FOXN3: variants seen among roughly 807,000 people sequenced by gnomAD.
FOXN3 encodes the protein forkhead box protein N3.
Under a neutral mutation model 38.4 loss-of-function variants are expected in FOXN3, and 7 were observed. The ratio of observed to expected loss-of-function variants is 0.18; its 90% CI spans 0.10 to 0.34. The LOEUF is 0.34. Ranked by LOEUF, FOXN3 falls within the 10% of genes least tolerant of loss-of-function variation. The pLI, the probability that FOXN3 is intolerant of heterozygous loss-of-function variation, is 1.00. For synonymous variants in FOXN3, 230 were observed against 242.2 expected (o/e 0.95, Z 0.47); for missense variants, 456 against 613.4 (o/e 0.74, Z 2.71).
intron 1 of FOXN3, among the ~76,000 whole-genome samples, chr14:89,611,728 C>T (rs1362336486): frequency 6.6e-6 from 1 of 150,960 alleles, no homozygotes; most frequent in African/African-American, 2.5e-5. Context: ...ACGGCGTGAA[C>T]CTGGGAGGCG....
chr14:89,583,533 TTG>T lies in FOXN3; in HGVS notation c.-15+35493_-15+35494del, dbSNP rs367582239. On this transcript the variant is annotated intron_variant, in intron 1 of 6. Coordinates refer to the FOXN3 transcript ENST00000345097. The stretch of plus-strand genomic sequence containing the variant: ...CTTTCCAGCCGCCAGAACTGTGAAT[TTG>T]TGTGTTCTCTCTCTCTCTCTTCCTG... Among the ~76,000 whole-genome samples, 467 of 152,282 alleles carry T rather than the reference TTG, an allele frequency of 3.1e-3. 1 individual carries two copies. Among genetic ancestry groups the T allele is most frequent in the African/African-American group, 0.01 (434 of 41,558 alleles).
intron 1 of FOXN3, among the ~76,000 whole-genome samples, chr14:89,505,858 T>C (rs1260172642): frequency 6.9e-6 from 1 of 143,894 alleles, no homozygotes; most frequent in Non-Finnish European, 1.5e-5. Flanking sequence ...ACCCATCATC[T>C]GAGATGTGGG....
At chr14:89,556,999 G>A (rs372655474) in intron 1 of FOXN3, among the ~76,000 whole-genome samples, 2 of 152,214 alleles carry the variant, frequency 1.3e-5, no homozygotes, top group South Asian at 2.1e-4. Context: ...GGAACCTGTG[G>A]GGTGGGAAAG....
At chr14:89,222,039 G>C (rs780136815) in intron 4 of FOXN3, among the ~76,000 whole-genome samples, 15 of 152,100 alleles carry the variant, frequency 9.9e-5, no homozygotes, top group South Asian at 4.1e-4. Context: ...AGCCAGGATA[G>C]TCTCCTGACC....
chr14:89,398,180 CTTT>C (rs142235076), intron 2 of FOXN3, among the ~76,000 whole-genome samples: 4 of 152,222 alleles, frequency 2.6e-5, no homozygotes, highest in African/African-American at 9.6e-5. Flanking sequence ...TTCCTGGTCT[CTTT>C]TTATTTTGTT....
rs535561011 is a variant in FOXN3, at chr14:89,255,015, G to A, written c.745+25935C>T. 1.1e-4 allele frequency among the ~76,000 whole-genome samples: 16 copies of A among 151,382 alleles called. No individual in the cohort carries two copies. The South Asian group carries it at 3.3e-3, about 31-fold the overall frequency. On this transcript the variant is annotated intron_variant, in intron 4 of 5. Transcript: ENST00000557258. ...TATTCCCCCCATGAGGATTTCCCATGTGCGGCGCATTTGGGGGCAGTGCAA... is the reference window on the plus strand; with the variant it reads ...TATTCCCCCCATGAGGATTTCCCATATGCGGCGCATTTGGGGGCAGTGCAA...
intron 1 of FOXN3, among the ~76,000 whole-genome samples, chr14:89,585,520 T>C (rs1185194030): frequency 6.6e-6 from 1 of 152,122 alleles, no homozygotes. Flanking sequence ...AAACAAATAT[T>C]CCCTGAGCAT....
At chr14:89,410,162 A>G (rs1891504960) in intron 2 of FOXN3, among the ~76,000 whole-genome samples, 1 of 151,896 alleles carries the variant, frequency 6.6e-6, no homozygotes, top group African/African-American at 2.4e-5. Context: ...AACACGTCCA[A>G]TTTGAGCAAG....
intron 3 of FOXN3, among the ~76,000 whole-genome samples, chr14:89,302,866 A>G: frequency 6.6e-6 from 1 of 152,310 alleles, no homozygotes; most frequent in Middle Eastern, 3.4e-3. Context: ...GTCACAGGCC[A>G]CCAAGTTTTA....
At chr14:89,214,908 C>CTAT (rs1413424001) in intron 4 of FOXN3, among the ~76,000 whole-genome samples, 1 of 152,214 alleles carries the variant, frequency 6.6e-6, no homozygotes, top group Non-Finnish European at 1.5e-5. Context: ...GACTATAAAA[C>CTAT]TATTACCGGG....
chr14:89,413,809 A>C lies in FOXN3; in HGVS notation c.-14-1319T>G, dbSNP rs181866406. On this transcript the variant is annotated intron_variant, in intron 1 of 5. Transcript: ENST00000557258. ...GGGAAGGGAAAGAAGAAAGGAAGGGAAAGAGAAGGGAAAAGGAAGGGAAGG... is the reference window on the plus strand; with the variant it reads ...GGGAAGGGAAAGAAGAAAGGAAGGGCAAGAGAAGGGAAAAGGAAGGGAAGG... Among the ~76,000 whole-genome samples the C allele has an allele frequency of 2.1e-5, 3 of 143,392 alleles. No individual in the cohort carries two copies. In the East Asian group the frequency reaches 6.5e-4, roughly 31 times the overall value. 94.1% of individuals were successfully genotyped at this position (143,392 alleles called of 152,430 possible).
intron 1 of FOXN3, among the ~76,000 whole-genome samples, chr14:89,432,415 G>T (rs867537525): frequency 6.6e-6 from 1 of 152,170 alleles, no homozygotes; most frequent in Non-Finnish European, 1.5e-5. Flanking sequence ...CAATGACTGC[G>T]ATCCAAAGGA....
At chr14:89,270,555 T>C (rs938724269) in intron 4 of FOXN3, among the ~76,000 whole-genome samples, 1 of 152,204 alleles carries the variant, frequency 6.6e-6, no homozygotes, top group African/African-American at 2.4e-5. Flanking sequence ...ATTGGATGAG[T>C]TGCTCGAGGT....
chr14:89,557,950 A>G (rs532102862), intron 1 of FOXN3, among the ~76,000 whole-genome samples: 50 of 152,250 alleles, frequency 3.3e-4, no homozygotes, highest in Middle Eastern at 3.4e-3. Context: ...AGGTTGCAGT[A>G]AGCCAAGATC....
Position 89,548,677 on chromosome 14 carries a change from T to TTATA in FOXN3, c.-15+70347_-15+70350dup. Among the ~76,000 whole-genome samples, 1 of 152,256 alleles carries TTATA rather than the reference T, an allele frequency of 6.6e-6. No individual in the cohort carries two copies. The highest frequency in any genetic ancestry group is 2.1e-4 in the South Asian group (1 of 4,826). On this transcript the variant is annotated intron_variant, in intron 1 of 6. Transcript: ENST00000345097. This position sits in a 1 kb window ranked among gnomAD's most constrained non-coding sequence, Gnocchi z 4.8. ...AATAATGATGACTTTTCTTTTCAATTTATATATATGTATGTATGTATGTAT... is the reference window on the plus strand; with the variant it reads ...AATAATGATGACTTTTCTTTTCAATTTATATATATATATGTATGTATGTATGTAT...
intron 2 of FOXN3, among the ~76,000 whole-genome samples, chr14:89,395,279 ATGAT>A (rs1891070893): frequency 6.6e-6 from 1 of 152,194 alleles, no homozygotes; most frequent in Non-Finnish European, 1.5e-5. Context: ...TTACAGATGA[ATGAT>A]TAATTAAACA....
intron 4 of FOXN3, among the ~76,000 whole-genome samples, chr14:89,222,283 C>T (rs1884492133): frequency 6.6e-6 from 1 of 152,078 alleles, no homozygotes; most frequent in Non-Finnish European, 1.5e-5. Context: ...TGGGAATATA[C>T]CAGCTCATTT....
chr14:89,241,501 T>C (rs1257260019), intron 4 of FOXN3, among the ~76,000 whole-genome samples: 5 of 152,162 alleles, frequency 3.3e-5, no homozygotes, highest in African/African-American at 4.8e-5. Flanking sequence ...AGCTTCCTCC[T>C]TTCTGGCTGT....
chr14:89,613,411 T>C (rs1896435150), intron 1 of FOXN3, among the ~76,000 whole-genome samples: 1 of 152,186 alleles, frequency 6.6e-6, no homozygotes, highest in Non-Finnish European at 1.5e-5. Context: ...GAGTACACCC[T>C]GGGACGGTTC....
Sources: allele counts gnomAD v4.1 joint callset (sites outside exome capture counted in the v4.1 genomes callset), GRCh38; gene constraint gnomAD v4.1.1; non-coding constraint Gnocchi (gnomAD v3.1); transcripts MANE v1.5; gene names NCBI Gene and HGNC (gene_info 2026-07-23, HGNC 2026-07-21).